ARHGEF7: variants seen among roughly 807,000 people sequenced by gnomAD.
ARHGEF7 encodes the protein Rho guanine nucleotide exchange factor 7.
Under a neutral mutation model 109.8 loss-of-function variants are expected in ARHGEF7, and 33 were observed. That is an observed-to-expected ratio of 0.30 (90% CI 0.23 to 0.40). The LOEUF is 0.40. ARHGEF7 is among the 10% of genes least tolerant of loss of function. The pLI is 1.00. For missense variants in ARHGEF7, 938 were observed against 1,098.5 expected, an observed-to-expected ratio of 0.85 and a Z score of 2.07; for synonymous variants, 458 against 424.6, an observed-to-expected ratio of 1.08 and a Z score of -0.97.
At chr13:111,153,736 C>T in intron 1 of ARHGEF7, 169 bp from the exon 2 acceptor site, 8 of 1,336,362 alleles carry the variant, frequency 6.0e-6, no homozygotes, top group Non-Finnish European at 6.7e-6. Flanking sequence ...GGAGAAGCAG[C>T]GGCTGAGCGG....
Position 111,266,379 on chromosome 13 carries a change from G to A in ARHGEF7, c.951-1169G>A, listed in dbSNP as rs370445300. ...CCTCGGTCTTCTTTTGGCCTGTGTC[G>A]ACGCTCGTGGACACCTTCGCTCTTG... is the stretch of plus-strand genomic sequence containing the variant. On this transcript the variant is annotated intron_variant, in intron 8 of 21. Coordinates refer to ENST00000646102, the MANE Select transcript of ARHGEF7 (RefSeq NM_001354046.2). The surrounding 1 kb of genome is among the most constrained non-coding windows in gnomAD (Gnocchi z 4.8). Among the ~76,000 whole-genome samples, 1 of 152,022 alleles carries A rather than the reference G, an allele frequency of 6.6e-6. No homozygotes were observed. Among genetic ancestry groups the A allele is most frequent in the Admixed American group, 6.5e-5 (1 of 15,278 alleles).
chr13:111,161,210 G>C (rs1437793938), intron 2 of ARHGEF7, among the ~76,000 whole-genome samples: 1 of 152,118 alleles, frequency 6.6e-6, no homozygotes, highest in Non-Finnish European at 1.5e-5. Context: ...TTGTGGCATG[G>C]GTGCTAAATG....
chr13:111,237,404 G>T (rs1254558162), intron 6 of ARHGEF7, among the ~76,000 whole-genome samples: 2 of 152,202 alleles, frequency 1.3e-5, no homozygotes, highest in African/African-American at 4.8e-5. Flanking sequence ...TTTAAAGAGA[G>T]AATCTTTAGT....
chr13:111,267,186 G>C (rs1449390091), intron 8 of ARHGEF7, among the ~76,000 whole-genome samples: 1 of 152,188 alleles, frequency 6.6e-6, no homozygotes, highest in East Asian at 1.9e-4. Context: ...TGCTGCTTTG[G>C]TAGAAAACCT....
At chr13:111,234,641 G>A (rs914067982) in intron 6 of ARHGEF7, among the ~76,000 whole-genome samples, 1 of 152,138 alleles carries the variant, frequency 6.6e-6, no homozygotes, top group African/African-American at 2.4e-5. Flanking sequence ...TACATTAGTG[G>A]CAATCTTTGA....
intron 1 of ARHGEF7, among the ~76,000 whole-genome samples, chr13:111,124,522 G>C (rs993920226): frequency 6.6e-6 from 1 of 152,212 alleles, no homozygotes; most frequent in Non-Finnish European, 1.5e-5. Context: ...CTTTTCCCCA[G>C]AGAATAAGCC....
At chr13:111,300,680 A>G in intron 19 of ARHGEF7, 68 bp from the exon 20 acceptor site, 1 of 1,062,268 alleles carries the variant, frequency 9.4e-7, no homozygotes, top group Non-Finnish European at 1.4e-6. Context: ...TGGTATAGTC[A>G]AGTTGTTTTT....
At chr13:111,248,625 C>T (rs2089289764) in intron 8 of ARHGEF7, among the ~76,000 whole-genome samples, 3 of 152,182 alleles carry the variant, frequency 2.0e-5, no homozygotes, top group African/African-American at 7.2e-5. Flanking sequence ...TGCCTCTCTA[C>T]TCTCTTGTTC....
At chr13:111,181,353 CT>C (rs549371149) in intron 2 of ARHGEF7, among the ~76,000 whole-genome samples, 1 of 152,112 alleles carries the variant, frequency 6.6e-6, no homozygotes, top group Non-Finnish European at 1.5e-5. Flanking sequence ...CTACTTTTGT[CT>C]TGTTTATGGC....
rs561264317 is a variant in ARHGEF7 at position 111,124,474 on chromosome 13, C to T, written c.165+8783C>T. Among the ~76,000 whole-genome samples the T allele has an allele frequency of 7.2e-5, 11 of 152,372 alleles. No individual in the cohort carries two copies. The South Asian group carries it at 2.3e-3, about 32-fold the overall frequency. On this transcript the variant is annotated intron_variant, in intron 1 of 21. Coordinates refer to ENST00000646102, the MANE Select transcript of ARHGEF7 (RefSeq NM_001354046.2). ...GTCCATCCTCACCTTGGCTCCTGTC[C>T]ATGCTGGCCCTCTCCATGTTCTGGC...
At chr13:111,274,056 A>G in intron 10 of ARHGEF7, 104 bp downstream of exon 10, 2 of 1,341,720 alleles carry the variant, frequency 1.5e-6, no homozygotes, top group Non-Finnish European at 2.0e-6. Flanking sequence ...TTTAGAAGCC[A>G]GAACCAACAG....
In ARHGEF7 at chr13:111,185,961, C is replaced by CGTGTGTGTGTGTGT. The variant is rs71127998; in HGVS notation, c.253-19297_253-19284dup. ...TTTGTCACACTGTCTTTTGGGAGCT[C>CGTGTGTGTGTGTGT]GTGTGTGTGTGTGTGTGTGTGTGTG... On this transcript the variant is annotated intron_variant, in intron 2 of 21. Coordinates refer to ENST00000646102, the MANE Select transcript of ARHGEF7 (RefSeq NM_001354046.2). Among the ~76,000 whole-genome samples the CGTGTGTGTGTGTGT allele has an allele frequency of 5.5e-3, 741 of 135,846 alleles. 7 individuals are homozygous for CGTGTGTGTGTGTGT. Among genetic ancestry groups the CGTGTGTGTGTGTGT allele is most frequent in the Middle Eastern group, 0.015 (4 of 270 alleles). 89.1% of individuals were successfully genotyped at this position (135,846 alleles called of 152,430 possible).
chr13:111,275,122 C>G (rs1017700010), intron 11 of ARHGEF7, among the ~76,000 whole-genome samples: 1 of 152,172 alleles, frequency 6.6e-6, no homozygotes, highest in African/African-American at 2.4e-5. Flanking sequence ...TGTTGTCTTA[C>G]CAACTGCGTT....
At chr13:111,245,093 G>C (rs1457019666) in intron 8 of ARHGEF7, among the ~76,000 whole-genome samples, 1 of 152,206 alleles carries the variant, frequency 6.6e-6, no homozygotes, top group East Asian at 1.9e-4. Flanking sequence ...AGGCGCTGTT[G>C]TGGAGAAGAA....
At chr13:111,293,027 T>C in intron 19 of ARHGEF7, 1 of 985,486 alleles carries the variant, frequency 1.0e-6, no homozygotes, top group Non-Finnish European at 1.2e-6. Flanking sequence ...CTGTCATGGC[T>C]CAGATGTTCA....
At chr13:111,175,245 T>C (rs2078022996) in intron 2 of ARHGEF7, among the ~76,000 whole-genome samples, 1 of 152,152 alleles carries the variant, frequency 6.6e-6, no homozygotes, top group Non-Finnish European at 1.5e-5. Context: ...TCTTAGAAGC[T>C]CTAGAGTCAA....
intron 8 of ARHGEF7, among the ~76,000 whole-genome samples, chr13:111,256,555 G>C (rs1043321607): frequency 1.3e-5 from 2 of 152,124 alleles, no homozygotes; most frequent in African/African-American, 2.4e-5. Flanking sequence ...TTGTCTTTTC[G>C]TGTTTGTGCC....
intron 2 of ARHGEF7, among the ~76,000 whole-genome samples, chr13:111,174,524 A>C (rs1172963733): frequency 6.6e-6 from 1 of 152,074 alleles, no homozygotes; most frequent in Non-Finnish European, 1.5e-5. Context: ...TTGCTCTTGC[A>C]TTTTATGACT....
chr13:111,248,421 A>G (rs2089254367), intron 8 of ARHGEF7, among the ~76,000 whole-genome samples: 1 of 151,982 alleles, frequency 6.6e-6, no homozygotes, highest in South Asian at 2.1e-4. Flanking sequence ...TCTTTTACCA[A>G]ATGTGGGGAA....
Sources: allele counts gnomAD v4.1 joint callset (sites outside exome capture counted in the v4.1 genomes callset), GRCh38; gene constraint gnomAD v4.1.1; non-coding constraint Gnocchi (gnomAD v3.1); transcripts MANE v1.5; gene names NCBI Gene and HGNC (gene_info 2026-07-23, HGNC 2026-07-21).